The following AGFG1 variants were observed in gnomAD, a reference collection of about 807,000 sequenced individuals.
AGFG1 encodes the protein arf-GAP domain and FG repeat-containing protein 1.
AGFG1 carries 10 observed loss-of-function variants against 60.6 expected under a neutral mutation model. The observed-to-expected ratio is 0.16, with a 90% CI of 0.10 to 0.28. The LOEUF (loss-of-function observed/expected upper bound fraction) is 0.28. Among genes scored for constraint, AGFG1 ranks in the 10% least tolerant of loss-of-function variants. The pLI is 1.00. For missense variants in AGFG1, 537 were observed against 676.5 expected (o/e 0.79, Z 2.29); for synonymous variants, 247 against 242.9 (o/e 1.02, Z -0.16).
intron 2 of AGFG1, chr2:227,510,765 G>A (rs1012354718): frequency 8.5e-5 from 13 of 152,162 alleles, no homozygotes; most frequent in Non-Finnish European, 1.5e-4. Flanking sequence ...GTGAAATAAG[G>A]TATGGGTATG....
At chr2:227,514,511 A>G (rs1691595578) in intron 2 of AGFG1, among the ~76,000 whole-genome samples, 1 of 152,162 alleles carries the variant, frequency 6.6e-6, no homozygotes, top group South Asian at 2.1e-4. Context: ...TACTATTTAA[A>G]GTTTATATAC....
Position 227,554,722 on chromosome 2 carries a change from T to A in AGFG1, c.*227T>A. On this transcript the variant is annotated 3_prime_UTR_variant, in exon 13 of 13. Transcript: ENST00000310078. ...AAAAGGGTAGCGGTATCATGTATAT[T>A]AAAATTGGCTAATATTAAGTTATTG... 2.4e-6 allele frequency: 1 copy of A among 408,722 alleles called. No individual in the cohort carries two copies. The highest frequency in any genetic ancestry group is 5.6e-5 in the South Asian group (1 of 17,994). The allele number at this position is 408,722 out of a possible 1,614,324, so 25.3% of individuals were successfully genotyped here. A position where few individuals can be genotyped will look rare whatever the true frequency, so the allele number is the denominator to read the frequency against.
In AGFG1 at chr2:227,554,497, C is replaced by T. The variant is rs774619852; in HGVS notation, c.*2C>T. The stretch of plus-strand genomic sequence containing the variant: ...TCATCAACCAATCCTTTCTTATAGC[C>T]TTATATAGACAATTTACTGGAACGA... On this transcript the variant is annotated 3_prime_UTR_variant, in exon 13 of 13. Coordinates refer to ENST00000310078, the MANE Select transcript of AGFG1 (RefSeq NM_004504.5). The T allele has an allele frequency of 6.2e-6, 10 of 1,612,044 alleles. No individual in the cohort carries two copies. Among genetic ancestry groups the T allele is most frequent in the Non-Finnish European group, 8.5e-6 (10 of 1,178,920 alleles).
chr2:227,551,455 A>G (rs1575119944), intron 10 of AGFG1, among the ~76,000 whole-genome samples: 2 of 152,286 alleles, frequency 1.3e-5, no homozygotes, highest in Admixed American at 1.3e-4. Context: ...GCCTGTAACT[A>G]ACTATTTGTC....
At position 227,556,745 on chromosome 2, in the gene AGFG1, G is replaced by C. The variant is rs59553332; in HGVS notation, c.*2250G>C. 0.045 allele frequency: 6,891 copies of C among 152,478 alleles called. 241 individuals are homozygous for C. Among genetic ancestry groups the C allele is most frequent in the Middle Eastern group, 0.11 (33 of 294 alleles). The allele number at this position is 152,478 out of a possible 1,614,324, so 9.4% of individuals were successfully genotyped here. On this transcript the variant is annotated 3_prime_UTR_variant, in exon 13 of 13. Transcript: ENST00000310078. ...GGGGGCTCTTACTGACTTTAAATTA[G>C]CGCTTATAAAATAAAAATGTTTAGT...
chr2:227,512,382 A>G (rs79359726), intron 2 of AGFG1, among the ~76,000 whole-genome samples: 4,362 of 152,260 alleles, frequency 0.029, 99 homozygotes, highest in Non-Finnish European at 0.043. Context: ...CAGTTTATGT[A>G]TTGTTTAGAT....
Position 227,554,741 on chromosome 2 carries a change from G to C in AGFG1, c.*246G>C. 3 of 370,780 alleles carry C rather than the reference G, an allele frequency of 8.1e-6. No homozygotes were observed. The highest frequency in any genetic ancestry group is 1.5e-5 in the Non-Finnish European group (3 of 205,774). The allele number at this position is 370,780 out of a possible 1,614,324, so 23.0% of individuals were successfully genotyped here. A position where few individuals can be genotyped will look rare whatever the true frequency, so the allele number is the denominator to read the frequency against. ...GTATATTAAAATTGGCTAATATTAA[G>C]TTATTGCAGATACCACATTCATTAT... On this transcript the variant is annotated 3_prime_UTR_variant, in exon 13 of 13. Transcript: ENST00000310078.
At chr2:227,507,052 AGTGC>A (rs1691335422) in intron 2 of AGFG1, among the ~76,000 whole-genome samples, 1 of 152,200 alleles carries the variant, frequency 6.6e-6, no homozygotes, top group African/African-American at 2.4e-5. Context: ...GCTAATGCTC[AGTGC>A]CTACATCCAC....
rs1400481840 is a variant in AGFG1, at chr2:227,548,224, T to TTTG, written c.1379-3734_1379-3733insTGT. ...AAGTGACAGCTGATAGGTATCACAT[T>TTTG]TCTTTTGAGGGGGATGAAAATATTC... On this transcript the variant is annotated intron_variant, in intron 10 of 12. Transcript: ENST00000310078. Among the ~76,000 whole-genome samples the TTTG allele has an allele frequency of 1.6e-4, 25 of 152,302 alleles. No homozygotes were observed. In the Middle Eastern group the frequency reaches 0.014, roughly 83 times the overall value.
chr2:227,502,310 GGTTTTTT>G (rs1201485333), intron 2 of AGFG1, among the ~76,000 whole-genome samples: 1 of 151,842 alleles, frequency 6.6e-6, no homozygotes, highest in African/African-American at 2.4e-5. Flanking sequence ...CCCAGTCTGT[GGTTTTTT>G]GTTTTTTGTT....
intron 2 of AGFG1, among the ~76,000 whole-genome samples, chr2:227,498,207 A>T (rs948561994): frequency 6.6e-6 from 1 of 152,196 alleles, no homozygotes; most frequent in African/African-American, 2.4e-5. Context: ...ATGGGCAAAG[A>T]TACTTTTCCA....
At chr2:227,527,054 A>G (rs73994654) in intron 5 of AGFG1, among the ~76,000 whole-genome samples, 8,600 of 152,234 alleles carry the variant, frequency 0.056, 309 homozygotes, top group African/African-American at 0.11. Context: ...TGAAGTATAG[A>G]TTTGGTCACT....
intron 2 of AGFG1, among the ~76,000 whole-genome samples, chr2:227,495,366 G>C (rs921426531): frequency 1.3e-5 from 2 of 151,876 alleles, no homozygotes; most frequent in Non-Finnish European, 2.9e-5. Flanking sequence ...AGGCAACAAA[G>C]CGAGATCCCA....
intron 1 of AGFG1, among the ~76,000 whole-genome samples, chr2:227,476,557 C>T (rs1002479422): frequency 6.6e-6 from 1 of 152,152 alleles, no homozygotes; most frequent in African/African-American, 2.4e-5. Flanking sequence ...TGCATTTAAG[C>T]TTGAAATTTC....
chr2:227,491,760 TTTATA>T, intron 2 of AGFG1, 120 bp downstream of exon 2: 1 of 547,554 alleles, frequency 1.8e-6, no homozygotes, highest in Admixed American at 3.7e-5. Context: ...ATTTTTGTAT[TTTATA>T]TTTAGATATT....
chr2:227,534,795 G>C, intron 7 of AGFG1, 50 bp from the exon 8 acceptor site: 1 of 1,594,154 alleles, frequency 6.3e-7, no homozygotes, highest in Non-Finnish European at 8.6e-7. Context: ...TTGATAAGTT[G>C]AAAGTGTAAC....
chr2:227,529,106 GCC>G (rs1347428873), intron 5 of AGFG1, among the ~76,000 whole-genome samples: 1 of 151,920 alleles, frequency 6.6e-6, no homozygotes, highest in Non-Finnish European at 1.5e-5. Context: ...AAATGTATAT[GCC>G]TGTTACAAGA....
At chr2:227,497,723 C>CTTGT (rs1559173411) in intron 2 of AGFG1, among the ~76,000 whole-genome samples, 19 of 80,270 alleles carry the variant, frequency 2.4e-4, no homozygotes, top group South Asian at 3.9e-4. Flanking sequence ...AAATGAGTTT[C>CTTGT]TTTCTTGTTT....
chr2:227,485,023 T>G (rs13426422), intron 1 of AGFG1, among the ~76,000 whole-genome samples: 7,519 of 152,036 alleles, frequency 0.049, 228 homozygotes, highest in African/African-American at 0.093. Flanking sequence ...TGGGTTTTTT[T>G]GTTTTGTTTT....
Sources: gnomAD v4.1 joint callset for allele counts (sites outside exome capture counted in the v4.1 genomes callset) on GRCh38, gnomAD v4.1.1 for gene constraint, MANE v1.5 for transcripts, NCBI Gene and HGNC (gene_info 2026-07-23, HGNC 2026-07-21) for gene names.